The following WWOX variants were observed in gnomAD, a reference collection of about 807,000 sequenced individuals.
WWOX encodes the protein WW domain containing oxidoreductase.
WWOX carries 69 observed loss-of-function variants against 46.2 expected under a neutral mutation model. The observed-to-expected ratio is 1.49, with a 90% CI of 1.23 to 1.82. The LOEUF (loss-of-function observed/expected upper bound fraction) is 1.82. Ranked by LOEUF, WWOX falls within the 40% of genes most tolerant of loss-of-function variation. WWOX has a pLI of 0.00. For synonymous variants in WWOX, 359 were observed against 202.6 expected (o/e 1.77, Z -6.56); for missense variants, 919 against 542.6 (o/e 1.69, Z -6.89).
chr16:78,838,704 G>C (rs373671237), intron 8 of WWOX, among the ~76,000 whole-genome samples: 3 of 152,182 alleles, frequency 2.0e-5, no homozygotes, highest in South Asian at 2.1e-4. Context: ...TTAGCCGGGC[G>C]TGGTAGCACA....
intron 8 of WWOX, among the ~76,000 whole-genome samples, chr16:78,930,941 G>C (rs1014947556): frequency 6.6e-6 from 1 of 152,132 alleles, no homozygotes; most frequent in African/African-American, 2.4e-5. Context: ...TCACTAACTA[G>C]TACCCTTATG....
At chr16:78,314,708 T>TGG (rs766341757) in intron 5 of WWOX, among the ~76,000 whole-genome samples, 2 of 74,330 alleles carry the variant, frequency 2.7e-5, no homozygotes, top group East Asian at 8.6e-4. Flanking sequence ...TTTGTTTTTT[T>TGG]TTTTTTTTTT....
chr16:78,326,409 T>C (rs1370963703), intron 5 of WWOX, among the ~76,000 whole-genome samples: 4 of 152,130 alleles, frequency 2.6e-5, no homozygotes, highest in Admixed American at 1.3e-4. Flanking sequence ...TGCCAGGTTG[T>C]AATCATTCAC....
chr16:78,550,137 T>G lies in WWOX; in HGVS notation c.1056+117385T>G, dbSNP rs141641448. On this transcript the variant is annotated intron_variant, in intron 8 of 8. Coordinates refer to ENST00000566780, the MANE Select transcript of WWOX (RefSeq NM_016373.4). ...AAATTTCTTTGGTTCTTTAACATTCTCTTCTTCACTAAACCCAAATTAATA... is the reference window on the plus strand; with the variant it reads ...AAATTTCTTTGGTTCTTTAACATTCGCTTCTTCACTAAACCCAAATTAATA... 3.1e-3 allele frequency among the ~76,000 whole-genome samples: 477 copies of G among 152,346 alleles called. 4 individuals are homozygous for G. The highest frequency in any genetic ancestry group is 0.024 in the Admixed American group (372 of 15,302).
intron 5 of WWOX, among the ~76,000 whole-genome samples, chr16:78,290,250 C>T (rs889939313): frequency 2.6e-4 from 39 of 151,748 alleles, no homozygotes; most frequent in Admixed American, 4.0e-4. Flanking sequence ...ACTCTGCGAG[C>T]GGACATGTCG....
chr16:78,198,763 G>A (rs741594), intron 5 of WWOX, among the ~76,000 whole-genome samples: 3,327 of 151,842 alleles, frequency 0.022, 122 homozygotes, highest in African/African-American at 0.077. Context: ...TGTATATTTC[G>A]CATATGTCAA....
intron 8 of WWOX, among the ~76,000 whole-genome samples, chr16:78,664,324 C>T (rs1356496163): frequency 1.3e-5 from 2 of 152,198 alleles, no homozygotes; most frequent in African/African-American, 4.8e-5. Context: ...GGGCTGGCCA[C>T]CCAGGAGGCA....
chr16:79,157,779 G>T (rs539799179), intron 8 of WWOX, among the ~76,000 whole-genome samples: 59 of 152,316 alleles, frequency 3.9e-4, no homozygotes, highest in African/African-American at 1.2e-3. Flanking sequence ...GAGGCACCAG[G>T]ACTGGTCAAG....
chr16:78,425,047 G>C lies in WWOX; in HGVS notation c.783G>C (p.Glu261Asp). 1 of 1,613,716 alleles carries C rather than the reference G, an allele frequency of 6.2e-7. No individual in the cohort carries two copies. The highest frequency in any genetic ancestry group is 8.5e-7 in the Non-Finnish European group (1 of 1,180,018). ...CCCGTGTCATTGTGGTCTCCTCAGA[G>C]TCCCATCGGTGGGTTTGAATTGCAT... The part of the protein sequence containing the change: ...APARVIVVSS[E>D]SHRFTDINDS... The change falls in exon 7 of 9, where the codon GAG (glutamate) becomes GAC (aspartate). Residue 261 changes from glutamate (E) to aspartate (D), a missense_variant. By Grantham distance (45) the Glu-to-Asp change is conservative (BLOSUM62 2). Coordinates refer to ENST00000566780, the MANE Select transcript of WWOX (RefSeq NM_016373.4).
intron 8 of WWOX, among the ~76,000 whole-genome samples, chr16:79,119,496 A>G (rs2049584699): frequency 6.6e-6 from 1 of 152,228 alleles, no homozygotes; most frequent in Non-Finnish European, 1.5e-5. Context: ...TAGGTGCTTT[A>G]TAAATATGGA....
chr16:78,615,322 G>A (rs947168333), intron 8 of WWOX, among the ~76,000 whole-genome samples: 1 of 152,036 alleles, frequency 6.6e-6, no homozygotes, highest in African/African-American at 2.4e-5. Context: ...TCTCCTCTCC[G>A]CGACTCGGTA....
intron 5 of WWOX, among the ~76,000 whole-genome samples, chr16:78,366,847 T>C (rs949810893): frequency 1.3e-5 from 2 of 151,944 alleles, no homozygotes; most frequent in African/African-American, 2.4e-5. Flanking sequence ...TCTACACATA[T>C]AGAAACTGTT....
chr16:78,474,387 G>T (rs769664440), intron 8 of WWOX, among the ~76,000 whole-genome samples: 1 of 152,176 alleles, frequency 6.6e-6, no homozygotes, highest in African/African-American at 2.4e-5. Context: ...TCTCTAAACC[G>T]ATCATCACAG....
chr16:78,275,558 C>T (rs1165891972), intron 5 of WWOX, among the ~76,000 whole-genome samples: 8 of 152,158 alleles, frequency 5.3e-5, no homozygotes, highest in South Asian at 4.1e-4. Flanking sequence ...GAGGTTGGGG[C>T]GGTATCCTGA....
At chr16:78,265,666 G>A (rs368671116) in intron 5 of WWOX, among the ~76,000 whole-genome samples, 5 of 134,864 alleles carry the variant, frequency 3.7e-5, no homozygotes, top group South Asian at 2.6e-4. Flanking sequence ...CAACAAGAGC[G>A]AAACTCCATG....
chr16:78,387,019 A>G (rs1417409706), intron 6 of WWOX, 71 bp downstream of exon 6: 9 of 1,448,636 alleles, frequency 6.2e-6, no homozygotes, highest in South Asian at 4.6e-5. Context: ...GATGAACACA[A>G]TTGGGAGAAT....
chr16:78,753,639 A>C (rs2049543644), intron 8 of WWOX, among the ~76,000 whole-genome samples: 1 of 150,924 alleles, frequency 6.6e-6, no homozygotes, highest in Non-Finnish European at 1.5e-5. Context: ...ATCTCTACAA[A>C]ACATAAACAG....
chr16:78,632,388 C>T (rs1284148961), intron 8 of WWOX, among the ~76,000 whole-genome samples: 2 of 151,982 alleles, frequency 1.3e-5, no homozygotes, highest in Admixed American at 6.6e-5. Flanking sequence ...TCCGCTACCT[C>T]CGTATTTGAG....
rs141772276 is a variant in WWOX at position 78,869,644 on chromosome 16, C to T, written c.1057-341964C>T. On this transcript the variant is annotated intron_variant, in intron 8 of 8. Coordinates refer to ENST00000566780, the MANE Select transcript of WWOX (RefSeq NM_016373.4). Reference sequence around the variant, plus strand: ...GTGTCATGATGGGTTACTGATTCTGCGGTATTTTTGTGGACGTGGGGAGTG... The same window carrying T: ...GTGTCATGATGGGTTACTGATTCTGTGGTATTTTTGTGGACGTGGGGAGTG... Among the ~76,000 whole-genome samples the T allele has an allele frequency of 8.2e-4, 125 of 152,240 alleles. 1 individual carries two copies. In the Middle Eastern group the frequency reaches 0.014, roughly 17 times the overall value.
Sources: allele counts gnomAD v4.1 joint callset (sites outside exome capture counted in the v4.1 genomes callset), GRCh38; gene constraint gnomAD v4.1.1; transcripts MANE v1.5; gene names NCBI Gene and HGNC (gene_info 2026-07-23, HGNC 2026-07-21).